The following DAAM1 variants were observed in gnomAD, a reference collection of about 807,000 sequenced individuals.
DAAM1 encodes the protein dishevelled associated activator of morphogenesis 1, also known as disheveled-associated activator of morphogenesis 1.
DAAM1 carries 52 observed loss-of-function variants against 130.0 expected under a neutral mutation model. That is an observed-to-expected ratio of 0.40 (90% CI 0.32 to 0.50). The LOEUF (loss-of-function observed/expected upper bound fraction) is 0.50, where lower values mean the gene tolerates loss of function less well. Ranked by LOEUF, DAAM1 falls within the 20% of genes least tolerant of loss-of-function variation. The probability of loss-of-function intolerance (pLI) is 0.61; values close to 1 mark genes in which losing one functional copy is unlikely to be tolerated. For missense variants in DAAM1, 1,134 were observed against 1,303.8 expected (o/e 0.87, Z 2.01); for synonymous variants, 452 against 444.5 (o/e 1.02, Z -0.21).
At chr14:59,230,284 A>AG (rs1172985962) in intron 1 of DAAM1, among the ~76,000 whole-genome samples, 4 of 147,622 alleles carry the variant, frequency 2.7e-5, no homozygotes, top group East Asian at 4.0e-4. Context: ...ACTGCAGCCG[A>AG]GGGGGGTGAT....
intron 1 of DAAM1, among the ~76,000 whole-genome samples, chr14:59,251,957 T>C (rs1013781765): frequency 6.6e-6 from 1 of 152,180 alleles, no homozygotes; most frequent in Non-Finnish European, 1.5e-5. Flanking sequence ...CTGGCCATGA[T>C]GCAAAGCTCA....
At chr14:59,355,023 C>A in intron 19 of DAAM1, 142 bp from the exon 20 acceptor site, 1 of 1,144,922 alleles carries the variant, frequency 8.7e-7, no homozygotes, top group Non-Finnish European at 1.2e-6. Context: ...TTTGAAAGTG[C>A]TCTTGGTAAC....
At chr14:59,221,663 A>G (rs952829386) in intron 1 of DAAM1, among the ~76,000 whole-genome samples, 1 of 152,136 alleles carries the variant, frequency 6.6e-6, no homozygotes, top group Non-Finnish European at 1.5e-5. Flanking sequence ...CCTTACCTCC[A>G]CTGTGGAATA....
intron 3 of DAAM1, among the ~76,000 whole-genome samples, chr14:59,308,092 CT>C (rs1459129120): frequency 6.6e-6 from 1 of 152,150 alleles, no homozygotes; most frequent in Non-Finnish European, 1.5e-5. Context: ...AGAGCTTGTT[CT>C]TTTTCTTCTT....
At chr14:59,199,044 C>T (rs1269151382) in intron 1 of DAAM1, among the ~76,000 whole-genome samples, 6 of 152,280 alleles carry the variant, frequency 3.9e-5, no homozygotes, top group African/African-American at 7.2e-5. Flanking sequence ...AAATGGAGAT[C>T]GGTGAGGGAG....
intron 1 of DAAM1, among the ~76,000 whole-genome samples, chr14:59,244,030 C>G (rs1881242021): frequency 6.6e-6 from 1 of 152,070 alleles, no homozygotes; most frequent in Non-Finnish European, 1.5e-5. Flanking sequence ...GGCTGTGTCC[C>G]CACTCAAATG....
At chr14:59,280,699 T>C (rs936058296) in intron 2 of DAAM1, among the ~76,000 whole-genome samples, 1 of 152,034 alleles carries the variant, frequency 6.6e-6, no homozygotes, top group African/African-American at 2.4e-5. Context: ...TTCCACAAAG[T>C]ACAGAGGAGC....
At chr14:59,308,491 CT>C (rs1468606011) in intron 3 of DAAM1, among the ~76,000 whole-genome samples, 1 of 152,132 alleles carries the variant, frequency 6.6e-6, no homozygotes, top group African/African-American at 2.4e-5. Flanking sequence ...AAGGAGACAT[CT>C]GTCAATTCAG....
At chr14:59,264,506 A>T (rs905605013) in intron 2 of DAAM1, 1 of 152,242 alleles carries the variant, frequency 6.6e-6, no homozygotes, top group African/African-American at 2.4e-5. Context: ...TAGGTTTGAT[A>T]TAATGTTTCA....
chr14:59,193,216 C>T (rs1887785789), intron 1 of DAAM1, among the ~76,000 whole-genome samples: 1 of 152,212 alleles, frequency 6.6e-6, no homozygotes, highest in African/African-American at 2.4e-5. Flanking sequence ...GATGATACCC[C>T]TCTTGAAGAT....
At chr14:59,219,279 T>C (rs906220464) in intron 1 of DAAM1, among the ~76,000 whole-genome samples, 25 of 152,180 alleles carry the variant, frequency 1.6e-4, no homozygotes, top group Non-Finnish European at 2.9e-4. Context: ...TCAGAAACTT[T>C]GTAGGTAAAA....
At chr14:59,357,724 G>A (rs1345248617) in intron 20 of DAAM1, among the ~76,000 whole-genome samples, 1 of 152,038 alleles carries the variant, frequency 6.6e-6, no homozygotes, top group African/African-American at 2.4e-5. Context: ...GTTGCAGTGA[G>A]CCCAGATCGC....
Position 59,324,367 on chromosome 14 carries a change from G to A in DAAM1, c.902G>A (p.Arg301Lys), listed in dbSNP as rs1885129917. The stretch of plus-strand genomic sequence containing the variant: ...TACTTTCAGGAGAGTTTGGACTTTA[G>A]ACTTCATCTTCGCTATGAATTTCTG... ...QGAGVESLDF[R>K]LHLRYEFLML... Residue 301 changes from arginine (R) to lysine (K), a missense_variant, in exon 8 of 25, where the codon AGA becomes AAA. Arg to Lys is a conservative substitution (Grantham distance 26, BLOSUM62 2). Coordinates refer to ENST00000360909, the MANE Select transcript of DAAM1 (RefSeq NM_001270520.2). 6.3e-7 allele frequency: 1 copy of A among 1,591,696 alleles called. No individual in the cohort carries two copies. The highest frequency in any genetic ancestry group is 8.6e-7 in the Non-Finnish European group (1 of 1,168,692).
chr14:59,321,733 A>C (rs1016305854), intron 5 of DAAM1, among the ~76,000 whole-genome samples: 5 of 152,224 alleles, frequency 3.3e-5, no homozygotes, highest in African/African-American at 1.2e-4. Flanking sequence ...TATAAAATGC[A>C]AACTAAGAAA....
intron 1 of DAAM1, among the ~76,000 whole-genome samples, chr14:59,260,000 C>T (rs1307091764): frequency 2.0e-5 from 3 of 151,924 alleles, no homozygotes; most frequent in East Asian, 3.9e-4. Flanking sequence ...GCTGAGATCG[C>T]GCCACTGCAC....
At chr14:59,267,983 A>G (rs547498247) in intron 2 of DAAM1, among the ~76,000 whole-genome samples, 11 of 145,238 alleles carry the variant, frequency 7.6e-5, no homozygotes, top group African/African-American at 2.8e-4. Context: ...GCTCACTGCA[A>G]CCTCCGCTTC....
chr14:59,366,771 G>A (rs1886931422), intron 23 of DAAM1, among the ~76,000 whole-genome samples: 1 of 152,082 alleles, frequency 6.6e-6, no homozygotes, highest in East Asian at 1.9e-4. Context: ...TGACTCAGCC[G>A]GGTGCAGCGG....
intron 2 of DAAM1, among the ~76,000 whole-genome samples, chr14:59,266,594 T>G (rs1028405975): frequency 3.9e-5 from 6 of 152,258 alleles, no homozygotes; most frequent in African/African-American, 1.4e-4. Context: ...ACAAATTATC[T>G]TGAGGTTTGT....
chr14:59,357,531 C>G (rs61984524), intron 20 of DAAM1, among the ~76,000 whole-genome samples: 9,130 of 152,232 alleles, frequency 0.06, 357 homozygotes, highest in Non-Finnish European at 0.09. Context: ...GTAATCCCAG[C>G]ACTTTGGGAG....
Sources: gnomAD v4.1 joint callset for allele counts (sites outside exome capture counted in the v4.1 genomes callset) on GRCh38, gnomAD v4.1.1 for gene constraint, MANE v1.5 for transcripts, NCBI Gene and HGNC (gene_info 2026-07-23, HGNC 2026-07-21) for gene names.